SOX6: variants seen among roughly 807,000 people sequenced by gnomAD.
The protein encoded by SOX6 is SRY-box transcription factor 6.
A neutral mutation model predicts 97.8 loss-of-function variants in SOX6; 11 were observed. The observed-to-expected ratio is 0.11, with a 90% CI of 0.07 to 0.19. The LOEUF (loss-of-function observed/expected upper bound fraction) is 0.19, where lower values mean the gene tolerates loss of function less well. SOX6 is among the 10% of genes least tolerant of loss of function. The pLI is 1.00. For missense variants in SOX6, 810 were observed against 1,039.5 expected (o/e 0.78, Z 3.04); for synonymous variants, 360 against 371.4 (o/e 0.97, Z 0.35).
intron 2 of SOX6, among the ~76,000 whole-genome samples, chr11:16,718,978 TA>T (rs558276025): frequency 0.046 from 3,976 of 86,810 alleles, 126 homozygotes; most frequent in African/African-American, 0.11. Context: ...TTTTTAAAAT[TA>T]AAAAAAAAAA....
At chr11:16,498,187 T>A (rs867331163) in intron 4 of SOX6, among the ~76,000 whole-genome samples, 5 of 152,182 alleles carry the variant, frequency 3.3e-5, no homozygotes, top group Non-Finnish European at 7.3e-5. Flanking sequence ...AAAAGAATTT[T>A]CAACCTACAA....
At chr11:16,236,354 C>T (rs963071825) in intron 3 of SOX6, among the ~76,000 whole-genome samples, 5 of 151,938 alleles carry the variant, frequency 3.3e-5, no homozygotes, top group Admixed American at 1.3e-4. Flanking sequence ...AATGATAATA[C>T]TAAGTTAAGA....
chr11:16,641,728 C>G (rs563626161), intron 3 of SOX6, among the ~76,000 whole-genome samples: 5 of 152,108 alleles, frequency 3.3e-5, no homozygotes, highest in Admixed American at 6.5e-5. Flanking sequence ...AAGATTGCAA[C>G]CCCTGCCTTT....
intron 9 of SOX6, among the ~76,000 whole-genome samples, chr11:16,076,734 C>CTTT (rs1564941216): frequency 8.3e-6 from 1 of 120,188 alleles, no homozygotes; most frequent in Admixed American, 8.6e-5. Flanking sequence ...AGGTACTACA[C>CTTT]ATTTTTTTTT....
rs1564886618 is a variant in SOX6, at chr11:15,972,471, C to T, written c.*338G>A. Reference sequence around the variant, plus strand: ...ACCCCATCTAAAACAGTAACTTAAACCTTTATCAACATCCAAAAGAAAAAA... The same window carrying T: ...ACCCCATCTAAAACAGTAACTTAAATCTTTATCAACATCCAAAAGAAAAAA... On this transcript the variant is annotated 3_prime_UTR_variant, in exon 16 of 16. Transcript: ENST00000683767. 3.1e-6 allele frequency: 1 copy of T among 322,766 alleles called. No individual in the cohort carries two copies. Among genetic ancestry groups the T allele is most frequent in the Non-Finnish European group, 5.9e-6 (1 of 170,502 alleles). The allele number at this position is 322,766 out of a possible 1,614,324, so 20.0% of individuals were successfully genotyped here.
At chr11:16,618,961 A>G (rs182824223) in intron 3 of SOX6, among the ~76,000 whole-genome samples, 4 of 152,154 alleles carry the variant, frequency 2.6e-5, no homozygotes, top group African/African-American at 7.2e-5. Context: ...TCTTAACTCT[A>G]TAACTACAGC....
At chr11:16,584,784 G>A (rs1036754742) in intron 4 of SOX6, among the ~76,000 whole-genome samples, 3 of 152,130 alleles carry the variant, frequency 2.0e-5, no homozygotes, top group African/African-American at 7.2e-5. Context: ...CAACACCACA[G>A]CGGCCTTCAC....
chr11:16,562,660 C>T (rs1345915537), intron 4 of SOX6, among the ~76,000 whole-genome samples: 4 of 152,222 alleles, frequency 2.6e-5, no homozygotes, highest in Non-Finnish European at 2.9e-5. Flanking sequence ...GGGACTTTTA[C>T]CCCCACCAGC....
At chr11:16,512,726 T>C (rs527242380) in intron 4 of SOX6, among the ~76,000 whole-genome samples, 2 of 152,324 alleles carry the variant, frequency 1.3e-5, no homozygotes, top group East Asian at 3.9e-4. Context: ...CTAAAGACAC[T>C]GTGAACCAAG....
chr11:16,495,400 G>C (rs1196713391), intron 4 of SOX6, among the ~76,000 whole-genome samples: 1 of 152,194 alleles, frequency 6.6e-6, no homozygotes, highest in Non-Finnish European at 1.5e-5. Flanking sequence ...ACTTGGGACA[G>C]ATCCACCTGG....
intron 6 of SOX6, among the ~76,000 whole-genome samples, chr11:16,118,700 A>C (rs1470609401): frequency 1.3e-5 from 2 of 152,330 alleles, no homozygotes; most frequent in Non-Finnish European, 2.9e-5. Context: ...GCTATGTGCT[A>C]ATATGCAAAC....
intron 1 of SOX6, among the ~76,000 whole-genome samples, chr11:16,345,767 G>A (rs1452796270): frequency 3.3e-5 from 5 of 151,872 alleles, no homozygotes; most frequent in Non-Finnish European, 7.4e-5. Context: ...ATTTTTATGT[G>A]TTTAAAGTCA....
At chr11:16,146,613 G>A (rs1481450314) in intron 6 of SOX6, among the ~76,000 whole-genome samples, 1 of 151,830 alleles carries the variant, frequency 6.6e-6, no homozygotes, top group Non-Finnish European at 1.5e-5. Flanking sequence ...TCTGACAAAG[G>A]GCTAATATCC....
rs188022263 is a variant in SOX6 at position 16,206,845 on chromosome 11, A to G, written c.536-19890T>C. ...GACTAGAAAGTGTCACTTTATCCCA[A>G]CCTCTGGAAAGTTGGAAATTCAGGC... On this transcript the variant is annotated intron_variant, in intron 4 of 15. Transcript: ENST00000683767. Among the ~76,000 whole-genome samples the G allele has an allele frequency of 1.4e-4, 21 of 152,128 alleles. No individual in the cohort carries two copies. The East Asian group carries it at 2.9e-3, about 21-fold the overall frequency.
intron 4 of SOX6, among the ~76,000 whole-genome samples, chr11:16,550,724 T>C (rs1446218376): frequency 6.6e-6 from 1 of 152,176 alleles, no homozygotes; most frequent in African/African-American, 2.4e-5. Flanking sequence ...AAGTGAAGTA[T>C]ATTGTTGCAT....
intron 4 of SOX6, among the ~76,000 whole-genome samples, chr11:16,199,381 G>A (rs1447907578): frequency 1.3e-5 from 2 of 152,056 alleles, no homozygotes; most frequent in Non-Finnish European, 2.9e-5. Context: ...TTTCTCTACT[G>A]CAACAAACTT....
At chr11:16,303,905 C>A (rs1411314666) in intron 3 of SOX6, among the ~76,000 whole-genome samples, 1 of 151,872 alleles carries the variant, frequency 6.6e-6, no homozygotes, top group Non-Finnish European at 1.5e-5. Flanking sequence ...TGGGGGGTTT[C>A]TTTGTTTGTT....
chr11:16,098,079 AAAG>A (rs1848846989), intron 7 of SOX6, among the ~76,000 whole-genome samples: 2 of 151,874 alleles, frequency 1.3e-5, no homozygotes, highest in Non-Finnish European at 2.9e-5. Flanking sequence ...CTTTGTAGGC[AAAG>A]AAGAGTATTA....
At chr11:16,501,010 T>A (rs1455700619) in intron 4 of SOX6, among the ~76,000 whole-genome samples, 1 of 152,206 alleles carries the variant, frequency 6.6e-6, no homozygotes, top group East Asian at 1.9e-4. Context: ...AAGTCAATCC[T>A]AAGCCAAAAG....
Sources: gnomAD v4.1 joint callset for allele counts (sites outside exome capture counted in the v4.1 genomes callset) on GRCh38, gnomAD v4.1.1 for gene constraint, MANE v1.5 for transcripts, NCBI Gene and HGNC (gene_info 2026-07-23, HGNC 2026-07-21) for gene names.